The following LCORL variants were observed in gnomAD, a reference collection of about 807,000 sequenced individuals.
LCORL encodes ligand-dependent nuclear receptor corepressor-like protein.
A neutral mutation model predicts 141.8 loss-of-function variants in LCORL; 41 were observed. The ratio of observed to expected loss-of-function variants is 0.29; its 90% CI spans 0.23 to 0.38. LCORL has a LOEUF of 0.38. Ranked by LOEUF, LCORL falls within the 10% of genes least tolerant of loss-of-function variation. The probability of loss-of-function intolerance (pLI) is 1.00; values close to 1 mark genes in which losing one functional copy is unlikely to be tolerated. For missense variants in LCORL, 1,759 were observed against 2,035.0 expected, an observed-to-expected ratio of 0.86 and a Z score of 2.61; for synonymous variants, 618 against 694.1, an observed-to-expected ratio of 0.89 and a Z score of 1.72.
chr4:18,021,692 G>T lies in LCORL; in HGVS notation c.60C>A (p.Ala20=), dbSNP rs753684230. 3 of 1,531,284 alleles carry T rather than the reference G, an allele frequency of 2.0e-6. No homozygotes were observed. The highest frequency in any genetic ancestry group is 2.6e-6 in the Non-Finnish European group (3 of 1,139,774). 94.9% of individuals were successfully genotyped at this position (1,531,284 alleles called of 1,614,324 possible). A position where few individuals can be genotyped will look rare whatever the true frequency, so the allele number is the denominator to read the frequency against. The change falls in exon 1 of 8, where the codon GCC becomes GCA. Residue 20 remains alanine, a synonymous_variant. Coordinates refer to ENST00000635767, the Ensembl canonical transcript of LCORL. The surrounding 1 kb of genome is among the most constrained non-coding windows in gnomAD (Gnocchi z 5.5). ...ACCGAGGGCTCCGGCACTGAGCGGC[G>T]GCGGCGGCGGCGGCAGCAGCGGCGG...
rs921751105 is a variant in LCORL, at chr4:17,870,500, C to T, written c.5602+2888G>A. Reference sequence around the variant, plus strand: ...TCTTTAATGTGCTCTTACAATCCATCGCTCTCTCTCTGATCATAGCAGTCA... The same window carrying T: ...TCTTTAATGTGCTCTTACAATCCATTGCTCTCTCTCTGATCATAGCAGTCA... On this transcript the variant is annotated intron_variant, in intron 7 of 7. Coordinates refer to ENST00000635767, the Ensembl canonical transcript of LCORL. Among the ~76,000 whole-genome samples the T allele has an allele frequency of 5.3e-5, 8 of 152,246 alleles. No homozygotes were observed. In the East Asian group the frequency reaches 5.8e-4, roughly 11 times the overall value.
chr4:17,955,254 C>T (rs1335559895), intron 4 of LCORL, among the ~76,000 whole-genome samples: 3 of 152,072 alleles, frequency 2.0e-5, no homozygotes, highest in African/African-American at 7.2e-5. Flanking sequence ...TGCTGAAAGG[C>T]TAAGATGAGA....
exon 8 of LCORL, chr4:17,844,785 G>GA (rs1722764071): frequency 6.6e-6 from 1 of 152,414 alleles, no homozygotes; most frequent in Non-Finnish European, 1.5e-5. Context: ...TATCCAAAAA[G>GA]AAAGGAGCCA....
chr4:17,913,033 G>A, intron 4 of LCORL: 1 of 239,826 alleles, frequency 4.2e-6, no homozygotes, highest in Non-Finnish European at 8.2e-6. Context: ...AAAGTTCAGG[G>A]GTCAAAAAAA....
intron 1 of LCORL, among the ~76,000 whole-genome samples, chr4:17,994,273 T>C (rs1180341329): frequency 2.6e-5 from 4 of 152,212 alleles, no homozygotes; most frequent in Non-Finnish European, 5.9e-5. Flanking sequence ...TATTTTGTTT[T>C]ATAATATTCC....
At chr4:17,981,407 T>C (rs1717958237) in intron 1 of LCORL, among the ~76,000 whole-genome samples, 1 of 152,192 alleles carries the variant, frequency 6.6e-6, no homozygotes, top group South Asian at 2.1e-4. Context: ...AAAATTATCA[T>C]TTTAATTTGC....
At chr4:17,908,499 T>C (rs927811838) in intron 5 of LCORL, among the ~76,000 whole-genome samples, 13 of 152,186 alleles carry the variant, frequency 8.5e-5, no homozygotes, top group Non-Finnish European at 1.5e-4. Flanking sequence ...ACTTAAGTCC[T>C]TCGCACACAC....
intron 4 of LCORL, among the ~76,000 whole-genome samples, chr4:17,941,868 G>GT (rs1365385772): frequency 8.0e-6 from 1 of 124,284 alleles, no homozygotes; most frequent in Non-Finnish European, 1.7e-5. Flanking sequence ...TTTTTTTTTT[G>GT]CCTCCTCAGC....
At chr4:17,865,288 A>G (rs1268947775) in intron 7 of LCORL, among the ~76,000 whole-genome samples, 2 of 152,236 alleles carry the variant, frequency 1.3e-5, no homozygotes, top group Admixed American at 6.5e-5. Context: ...GACTGAAATC[A>G]CAAACAGTAT....
intron 1 of LCORL, among the ~76,000 whole-genome samples, chr4:17,975,446 A>G (rs1392971548): frequency 6.6e-6 from 1 of 151,218 alleles, no homozygotes; most frequent in African/African-American, 2.4e-5. Context: ...CTCAGGCTGG[A>G]GTGCAGTGGC....
chr4:17,963,368 T>G (rs1359730146), intron 2 of LCORL, among the ~76,000 whole-genome samples: 2 of 151,966 alleles, frequency 1.3e-5, no homozygotes, highest in Non-Finnish European at 2.9e-5. Flanking sequence ...TAATTTTATT[T>G]TTGCTATGAA....
chr4:17,957,072 T>A (rs1712797880), intron 4 of LCORL, among the ~76,000 whole-genome samples: 1 of 151,646 alleles, frequency 6.6e-6, no homozygotes, highest in African/African-American at 2.4e-5. Context: ...GAAAACAGCG[T>A]TGGAAATGAA....
exon 8 of LCORL, chr4:17,842,488 G>A (rs186302981): frequency 5.8e-4 from 489 of 846,498 alleles, no homozygotes; most frequent in Non-Finnish European, 8.3e-4. Context: ...TAACAAGATA[G>A]TGAAAACTAT....
intron 1 of LCORL, among the ~76,000 whole-genome samples, chr4:18,014,497 G>C (rs1294445711): frequency 6.6e-6 from 1 of 151,810 alleles, no homozygotes; most frequent in Non-Finnish European, 1.5e-5. Flanking sequence ...AAAAAAAATT[G>C]AATCCATGAG....
intron 1 of LCORL, among the ~76,000 whole-genome samples, chr4:17,998,954 G>A (rs1463159826): frequency 1.2e-5 from 1 of 86,952 alleles, no homozygotes; most frequent in Non-Finnish European, 2.0e-5. Flanking sequence ...GACAGAGTGA[G>A]ACCCTGTCTC....
chr4:17,998,985 A>AAAAAAAAAAAAAAAATAT (rs1374815646), intron 1 of LCORL, among the ~76,000 whole-genome samples: 1 of 57,896 alleles, frequency 1.7e-5, no homozygotes, highest in African/African-American at 6.1e-5. Flanking sequence ...AAAAAAAAAA[A>AAAAAAAAAAAAAAAATAT]ATATATATAT....
rs758596593 is a variant in LCORL, at chr4:18,021,689, GGCGGCGGCGGCGGCGGCAGCA to G, written c.42_62del (p.Ala16_Ala22del). 1.8e-5 allele frequency: 26 copies of G among 1,483,820 alleles called. No homozygotes were observed. The highest frequency in any genetic ancestry group is 1.3e-4 in the East Asian group (5 of 37,542). The allele number at this position is 1,483,820 out of a possible 1,614,324, so 91.9% of individuals were successfully genotyped here. A position where few individuals can be genotyped will look rare whatever the true frequency, so the allele number is the denominator to read the frequency against. Reference sequence around the variant, plus strand: ...CGCACCGAGGGCTCCGGCACTGAGCGGCGGCGGCGGCGGCGGCAGCAGCGGCGGCGGCAGCGGCCATTCTCT... The same window carrying G: ...CGCACCGAGGGCTCCGGCACTGAGCGGCGGCGGCGGCAGCGGCCATTCTCT... On this transcript the variant is annotated inframe_deletion, in exon 1 of 8. Coordinates refer to ENST00000635767, the Ensembl canonical transcript of LCORL. This position sits in a 1 kb window ranked among gnomAD's most constrained non-coding sequence, Gnocchi z 5.5.
At chr4:17,957,649 A>G (rs1309180628) in intron 4 of LCORL, among the ~76,000 whole-genome samples, 2 of 151,980 alleles carry the variant, frequency 1.3e-5, no homozygotes, top group Non-Finnish European at 2.9e-5. Flanking sequence ...GAAATGTAAA[A>G]AGTCTTCAAT....
At chr4:17,848,653 C>T (rs1440335914) in intron 7 of LCORL, among the ~76,000 whole-genome samples, 1 of 152,260 alleles carries the variant, frequency 6.6e-6, no homozygotes, top group Non-Finnish European at 1.5e-5. Flanking sequence ...AGGTTCATCT[C>T]ACTAGGGAGT....
Sources: gnomAD v4.1 joint callset for allele counts (sites outside exome capture counted in the v4.1 genomes callset) on GRCh38, gnomAD v4.1.1 for gene constraint, Gnocchi (gnomAD v3.1) non-coding constraint, MANE v1.5 for transcripts, NCBI Gene and HGNC (gene_info 2026-07-23, HGNC 2026-07-21) for gene names.